KCNN2: variants seen among roughly 807,000 people sequenced by gnomAD.
The protein encoded by KCNN2 is small conductance calcium-activated potassium channel protein 2.
Under a neutral mutation model 55.5 loss-of-function variants are expected in KCNN2, and 24 were observed. That is an observed-to-expected ratio of 0.43 (90% confidence interval 0.31 to 0.61). The LOEUF is 0.61. KCNN2 is among the 20% of genes least tolerant of loss of function. The pLI, the probability that KCNN2 is intolerant of heterozygous loss-of-function variation, is 0.08. For missense variants in KCNN2, 754 were observed against 853.6 expected, an observed-to-expected ratio of 0.88 and a Z score of 1.45; for synonymous variants, 431 against 336.1, an observed-to-expected ratio of 1.28 and a Z score of -3.09.
intron 1 of KCNN2, among the ~76,000 whole-genome samples, chr5:114,120,441 G>A (rs920005760): frequency 3.3e-5 from 5 of 152,194 alleles, no homozygotes. Context: ...TGTTTGTAAT[G>A]TAATAAACTT....
chr5:114,399,136 T>C (rs1472871923), intron 2 of KCNN2, among the ~76,000 whole-genome samples: 1 of 152,218 alleles, frequency 6.6e-6, no homozygotes, highest in Admixed American at 6.5e-5. Flanking sequence ...TCTAAGGGAA[T>C]GCTTCCAGCT....
chr5:114,353,654 T>C (rs1757251430), intron 2 of KCNN2, among the ~76,000 whole-genome samples: 1 of 151,964 alleles, frequency 6.6e-6, no homozygotes, highest in Admixed American at 6.6e-5. Context: ...TTACATTCTC[T>C]CAGTTTTTAT....
chr5:114,099,142 G>T (rs1043555175), intron 1 of KCNN2, among the ~76,000 whole-genome samples: 1 of 151,968 alleles, frequency 6.6e-6, no homozygotes, highest in Non-Finnish European at 1.5e-5. Context: ...GACAAAAAAC[G>T]TACCCTGAAC....
At chr5:114,367,650 ATTT>A (rs577014520) in intron 2 of KCNN2, among the ~76,000 whole-genome samples, 1 of 143,396 alleles carries the variant, frequency 7.0e-6, no homozygotes, top group Non-Finnish European at 1.5e-5. Context: ...TTTCAGTGAC[ATTT>A]TTTTTTTTTT....
intron 1 of KCNN2, among the ~76,000 whole-genome samples, chr5:114,093,736 G>A (rs1400363748): frequency 6.6e-6 from 1 of 152,126 alleles, no homozygotes; most frequent in African/African-American, 2.4e-5. Flanking sequence ...ATTGACTCTT[G>A]TGAGAACTCA....
intron 1 of KCNN2, among the ~76,000 whole-genome samples, chr5:114,075,350 C>T (rs921978574): frequency 5.9e-5 from 9 of 152,110 alleles, no homozygotes; most frequent in Non-Finnish European, 1.2e-4. Context: ...ATTAGCATTT[C>T]TATGTATAAT....
intron 1 of KCNN2, among the ~76,000 whole-genome samples, chr5:114,115,317 A>G (rs1488823423): frequency 6.6e-6 from 1 of 152,128 alleles, no homozygotes; most frequent in Non-Finnish European, 1.5e-5. Context: ...AATACTAACC[A>G]TTTGTCACCT....
chr5:114,312,386 TACACACACACAC>T (rs70976336), intron 2 of KCNN2, among the ~76,000 whole-genome samples: 608 of 51,254 alleles, frequency 0.012, 8 homozygotes, highest in South Asian at 0.047. Flanking sequence ...AAAAAGGAGA[TACACACACACAC>T]ACACACACAC....
At chr5:114,272,752 C>T (rs1755382153) in intron 2 of KCNN2, among the ~76,000 whole-genome samples, 1 of 152,120 alleles carries the variant, frequency 6.6e-6, no homozygotes, top group East Asian at 1.9e-4. Flanking sequence ...ATACCCAGTT[C>T]CCTTACTGAA....
chr5:114,389,312 T>C (rs982058876), intron 2 of KCNN2, among the ~76,000 whole-genome samples: 11 of 152,180 alleles, frequency 7.2e-5, no homozygotes, highest in African/African-American at 2.7e-4. Flanking sequence ...ATTGTCTCTG[T>C]GTCCTTCCTG....
chr5:114,356,692 C>G (rs2150042134), intron 2 of KCNN2, among the ~76,000 whole-genome samples: 1 of 152,124 alleles, frequency 6.6e-6, no homozygotes, highest in East Asian at 1.9e-4. Flanking sequence ...ATTTATAAGA[C>G]CATCACCAAT....
At chr5:114,102,112 A>C (rs1751384615) in intron 1 of KCNN2, among the ~76,000 whole-genome samples, 2 of 152,110 alleles carry the variant, frequency 1.3e-5, no homozygotes, top group African/African-American at 4.8e-5. Flanking sequence ...CTGACTTTTT[A>C]ATAATTGCCA....
intron 2 of KCNN2, among the ~76,000 whole-genome samples, chr5:114,231,431 G>A (rs539493541): frequency 0.032 from 4,764 of 146,938 alleles, 417 homozygotes; most frequent in African/African-American, 0.12. Context: ...TAACGTTTAA[G>A]TCTTTAATCC....
chr5:114,080,183 A>G (rs1320847877), intron 1 of KCNN2, among the ~76,000 whole-genome samples: 1 of 152,174 alleles, frequency 6.6e-6, no homozygotes, highest in Non-Finnish European at 1.5e-5. Flanking sequence ...TGAATATTCT[A>G]CCGAATGGTT....
chr5:114,132,611 A>G (rs190623493), intron 1 of KCNN2, among the ~76,000 whole-genome samples: 5 of 152,334 alleles, frequency 3.3e-5, no homozygotes, highest in Admixed American at 2.0e-4. Flanking sequence ...CTTGGTTTTT[A>G]AAGAAGCATA....
intron 1 of KCNN2, among the ~76,000 whole-genome samples, chr5:114,120,104 A>AT (rs1174735350): frequency 4.6e-5 from 7 of 152,172 alleles, no homozygotes; most frequent in South Asian, 2.1e-4. Context: ...GAAGCTCTTG[A>AT]TTTTTTTAAA....
At chr5:114,140,090 C>T (rs1014956463) in intron 1 of KCNN2, among the ~76,000 whole-genome samples, 1 of 151,718 alleles carries the variant, frequency 6.6e-6, no homozygotes, top group Non-Finnish European at 1.5e-5. Flanking sequence ...TTTCATATAG[C>T]TTAGTTTTCT....
chr5:114,488,067 G>A (rs1747660315), intron 6 of KCNN2, among the ~76,000 whole-genome samples: 1 of 152,146 alleles, frequency 6.6e-6, no homozygotes, highest in African/African-American at 2.4e-5. Context: ...GCATGTTCAG[G>A]TAATTCATAT....
intron 1 of KCNN2, among the ~76,000 whole-genome samples, chr5:114,174,012 C>G (rs531381451): frequency 6.6e-6 from 1 of 151,854 alleles, no homozygotes; most frequent in South Asian, 2.1e-4. Flanking sequence ...AATGAAAGAG[C>G]CTTTACATGT....
Sources: gnomAD v4.1 joint callset for allele counts (sites outside exome capture counted in the v4.1 genomes callset) on GRCh38, gnomAD v4.1.1 for gene constraint, MANE v1.5 for transcripts, NCBI Gene and HGNC (gene_info 2026-07-23, HGNC 2026-07-21) for gene names.